The following TMEM131 variants were observed in gnomAD, a reference collection of about 807,000 sequenced individuals.
The protein encoded by TMEM131 is transmembrane protein 131.
A neutral mutation model predicts 211.6 loss-of-function variants in TMEM131; 66 were observed. The observed-to-expected ratio is 0.31, with a 90% confidence interval of 0.26 to 0.38. TMEM131 has a LOEUF of 0.38. Ranked by LOEUF, TMEM131 falls within the 10% of genes least tolerant of loss-of-function variation. The pLI is 1.00. For synonymous variants in TMEM131, 844 were observed against 841.3 expected (o/e 1.00, Z -0.06); for missense variants, 2,036 against 2,299.3 (o/e 0.89, Z 2.34).
At chr2:97,932,270 T>A (rs1185417268) in intron 1 of TMEM131, among the ~76,000 whole-genome samples, 3 of 152,144 alleles carry the variant, frequency 2.0e-5, no homozygotes, top group Non-Finnish European at 4.4e-5. Context: ...TTTTAAAACA[T>A]CCTGGACTAG....
At chr2:97,789,200 C>T (rs1391292607) in intron 31 of TMEM131, among the ~76,000 whole-genome samples, 5 of 152,230 alleles carry the variant, frequency 3.3e-5, no homozygotes, top group Non-Finnish European at 7.3e-5. Context: ...TTTGCCTGGC[C>T]CTGCCTGCTG....
At chr2:97,939,561 A>T (rs1677620045) in intron 1 of TMEM131, among the ~76,000 whole-genome samples, 1 of 152,230 alleles carries the variant, frequency 6.6e-6, no homozygotes, top group African/African-American at 2.4e-5. Flanking sequence ...GAAGTCCAGG[A>T]CCAGACAGAT....
At chr2:97,791,876 A>T (rs557787258) in intron 31 of TMEM131, among the ~76,000 whole-genome samples, 83 of 152,348 alleles carry the variant, frequency 5.4e-4, no homozygotes, top group African/African-American at 1.9e-3. Flanking sequence ...GGTCACAATT[A>T]CTTAACTGTG....
At chr2:97,909,946 T>C (rs544666737) in intron 2 of TMEM131, among the ~76,000 whole-genome samples, 1 of 152,276 alleles carries the variant, frequency 6.6e-6, no homozygotes, top group Non-Finnish European at 1.5e-5. Context: ...ATTACATCTA[T>C]TCCCCATGCA....
chr2:97,834,498 A>G, intron 10 of TMEM131, 123 bp downstream of exon 10: 1 of 801,134 alleles, frequency 1.2e-6, no homozygotes, highest in Non-Finnish European at 1.9e-6. Context: ...TTTGTACAAG[A>G]TCATGCAACC....
chr2:97,822,271 GAC>G (rs1017668116), intron 11 of TMEM131, among the ~76,000 whole-genome samples: 27 of 152,240 alleles, frequency 1.8e-4, no homozygotes, highest in African/African-American at 6.5e-4. Flanking sequence ...AGGGCAGGGG[GAC>G]TACCTGGAAT....
intron 1 of TMEM131, among the ~76,000 whole-genome samples, chr2:97,972,139 T>C (rs1422231888): frequency 2.0e-5 from 3 of 151,564 alleles, no homozygotes; most frequent in Admixed American, 2.0e-4. Context: ...ACCTGGGAGG[T>C]GAAGGCTGCA....
At chr2:97,848,271 T>G (rs1442346484) in intron 5 of TMEM131, among the ~76,000 whole-genome samples, 1 of 152,166 alleles carries the variant, frequency 6.6e-6, no homozygotes, top group Admixed American at 6.6e-5. Context: ...AAAACAATCC[T>G]CAATCCATAT....
At chr2:97,915,885 G>A (rs1192466574) in intron 2 of TMEM131, among the ~76,000 whole-genome samples, 2 of 151,950 alleles carry the variant, frequency 1.3e-5, no homozygotes, top group Non-Finnish European at 2.9e-5. Flanking sequence ...GTATTCTGTG[G>A]TATTCTTTAT....
chr2:97,803,455 T>C (rs1681134555), intron 22 of TMEM131, among the ~76,000 whole-genome samples: 1 of 152,204 alleles, frequency 6.6e-6, no homozygotes, highest in Admixed American at 6.5e-5. Flanking sequence ...CTTATAAGTG[T>C]GTATAAGCCA....
chr2:97,902,205 G>T (rs1391216934), intron 3 of TMEM131, among the ~76,000 whole-genome samples: 2 of 152,104 alleles, frequency 1.3e-5, no homozygotes, highest in Non-Finnish European at 2.9e-5. Flanking sequence ...AGGATGAAGA[G>T]AAAGATGAAG....
At chr2:97,933,067 G>C (rs1013640937) in intron 1 of TMEM131, among the ~76,000 whole-genome samples, 2 of 152,112 alleles carry the variant, frequency 1.3e-5, no homozygotes, top group African/African-American at 4.8e-5. Flanking sequence ...GGAGCAATAG[G>C]CTGTATCATA....
intron 2 of TMEM131, among the ~76,000 whole-genome samples, chr2:97,917,703 T>C (rs777987871): frequency 4.8e-4 from 73 of 152,146 alleles, no homozygotes; most frequent in Non-Finnish European, 1.3e-4. Context: ...AAGCCCCTTA[T>C]AAAACCACCA....
At chr2:97,877,165 T>A (rs1674731432) in intron 4 of TMEM131, among the ~76,000 whole-genome samples, 1 of 152,102 alleles carries the variant, frequency 6.6e-6, no homozygotes, top group Non-Finnish European at 1.5e-5. Flanking sequence ...AAGGACCTCT[T>A]CAAGGAGAAC....
chr2:97,777,605 G>C (rs949200828), intron 31 of TMEM131, among the ~76,000 whole-genome samples: 1 of 152,244 alleles, frequency 6.6e-6, no homozygotes, highest in African/African-American at 2.4e-5. Flanking sequence ...TAGAAAAAGA[G>C]TAAGTAAATC....
At chr2:97,869,629 C>T (rs946667251) in intron 4 of TMEM131, among the ~76,000 whole-genome samples, 9 of 152,166 alleles carry the variant, frequency 5.9e-5, no homozygotes, top group Non-Finnish European at 1.3e-4. Context: ...CAGTCCACAC[C>T]ACAGGAAGCA....
chr2:97,973,187 G>GTA (rs886258689), intron 1 of TMEM131, among the ~76,000 whole-genome samples: 1 of 152,104 alleles, frequency 6.6e-6, no homozygotes, highest in African/African-American at 2.4e-5. Flanking sequence ...AGAGGTTTAG[G>GTA]AATAACATCT....
At chr2:97,879,833 A>AG (rs1223827826) in intron 4 of TMEM131, among the ~76,000 whole-genome samples, 1 of 151,882 alleles carries the variant, frequency 6.6e-6, no homozygotes, top group Non-Finnish European at 1.5e-5. Flanking sequence ...ATTATCAGTA[A>AG]GGCTTCTGGT....
chr2:97,775,855 C>A lies in TMEM131; in HGVS notation c.4308G>T (p.Pro1436=). The stretch of plus-strand genomic sequence containing the variant: ...GATCAGCCCGTACCTCCTTGAGGAG[C>A]GGTTCTGTGTCAGGGTTGGAGGTCT... ...TTETSNPDTE[P]LLKEDTEKQK... is the part of the protein sequence containing the mutation. Residue 1436 remains proline, a synonymous_variant, in exon 32 of 41, where the codon CCG becomes CCT. Coordinates refer to ENST00000186436, the MANE Select transcript of TMEM131 (RefSeq NM_015348.2). The A allele has an allele frequency of 6.2e-7, 1 of 1,612,860 alleles. No homozygotes were observed. The highest frequency in any genetic ancestry group is 8.5e-7 in the Non-Finnish European group (1 of 1,179,542).
Sources: allele counts gnomAD v4.1 joint callset (sites outside exome capture counted in the v4.1 genomes callset), GRCh38; gene constraint gnomAD v4.1.1; transcripts MANE v1.5; gene names NCBI Gene and HGNC (gene_info 2026-07-23, HGNC 2026-07-21).